STK39: variants seen among roughly 807,000 people sequenced by gnomAD.
STK39 encodes the protein serine/threonine kinase 39.
A neutral mutation model predicts 77.8 loss-of-function variants in STK39; 20 were observed. The ratio of observed to expected loss-of-function variants is 0.26; its 90% CI spans 0.18 to 0.37. The LOEUF is 0.37. STK39 is among the 10% of genes least tolerant of loss of function. The probability of loss-of-function intolerance (pLI) is 1.00; values close to 1 mark genes in which losing one functional copy is unlikely to be tolerated. For missense variants in STK39, 479 were observed against 656.5 expected (o/e 0.73, Z 2.95); for synonymous variants, 246 against 234.1 (o/e 1.05, Z -0.47).
chr2:168,246,356 C>A (rs965998145), intron 1 of STK39, among the ~76,000 whole-genome samples: 1 of 152,214 alleles, frequency 6.6e-6, no homozygotes, highest in Non-Finnish European at 1.5e-5. Flanking sequence ...CCGAGCCCTG[C>A]GACTCTGCCA....
chr2:168,017,998 T>C (rs569334636), intron 14 of STK39, among the ~76,000 whole-genome samples: 1 of 152,196 alleles, frequency 6.6e-6, no homozygotes, highest in Non-Finnish European at 1.5e-5. Context: ...AATATACATG[T>C]ATATGCAATT....
At chr2:168,098,139 T>A (rs1442021561) in intron 10 of STK39, among the ~76,000 whole-genome samples, 1 of 152,274 alleles carries the variant, frequency 6.6e-6, no homozygotes, top group African/African-American at 2.4e-5. Flanking sequence ...CAATCTGGAA[T>A]AGCGCCTAGC....
intron 16 of STK39, among the ~76,000 whole-genome samples, chr2:167,999,054 G>A (rs1023677757): frequency 6.6e-6 from 1 of 152,156 alleles, no homozygotes; most frequent in Non-Finnish European, 1.5e-5. Context: ...TATGGCTAAT[G>A]GCTCTTTACA....
At chr2:168,111,987 A>C (rs1198116287) in intron 10 of STK39, among the ~76,000 whole-genome samples, 2 of 152,184 alleles carry the variant, frequency 1.3e-5, no homozygotes, top group East Asian at 3.8e-4. Context: ...ACAACTACTC[A>C]GCAACTATTT....
At chr2:168,086,332 T>A (rs1032805637) in intron 10 of STK39, among the ~76,000 whole-genome samples, 5 of 152,228 alleles carry the variant, frequency 3.3e-5, no homozygotes, top group Admixed American at 3.3e-4. Flanking sequence ...ACTTACAAAG[T>A]ATCTCCATCT....
At chr2:168,048,512 C>CGGCCCGGCCT (rs1454578585) in intron 14 of STK39, among the ~76,000 whole-genome samples, 5 of 151,946 alleles carry the variant, frequency 3.3e-5, no homozygotes, top group Admixed American at 3.3e-4. Context: ...GCGCCCGGCC[C>CGGCCCGGCCT]GGCCCGGCCT....
rs759565191 is a variant in STK39 at position 168,205,609 on chromosome 2, G to T, written c.209-23519C>A. Among the ~76,000 whole-genome samples, 65 of 152,184 alleles carry T rather than the reference G, an allele frequency of 4.3e-4. 1 individual carries two copies. The highest frequency in any genetic ancestry group is 7.1e-4 in the Non-Finnish European group (48 of 68,010). On this transcript the variant is annotated intron_variant, in intron 1 of 17. Transcript: ENST00000355999. ...AGGGACGGGGATTGCTTGAGGCCAG[G>T]AGTTCAAGACCAGCCTGGTCAGTAT...
At chr2:168,172,916 A>G (rs1688863980) in intron 2 of STK39, among the ~76,000 whole-genome samples, 1 of 152,202 alleles carries the variant, frequency 6.6e-6, no homozygotes, top group South Asian at 2.1e-4. Context: ...CTGCATATTG[A>G]AATCACCTGG....
intron 16 of STK39, among the ~76,000 whole-genome samples, chr2:168,001,072 A>G (rs1683987604): frequency 6.6e-6 from 1 of 152,190 alleles, no homozygotes. Flanking sequence ...TTTCCTGACT[A>G]TGAATTCCTG....
At chr2:168,003,879 AT>A (rs1684060462) in intron 16 of STK39, among the ~76,000 whole-genome samples, 6 of 152,256 alleles carry the variant, frequency 3.9e-5, no homozygotes, top group Admixed American at 3.9e-4. Context: ...CTGAAAGTCA[AT>A]ATCAGTGAAT....
intron 1 of STK39, among the ~76,000 whole-genome samples, chr2:168,204,874 C>T (rs1314819326): frequency 6.6e-6 from 1 of 152,164 alleles, no homozygotes; most frequent in Non-Finnish European, 1.5e-5. Context: ...AAATACTCTC[C>T]GCAAGTTCCC....
chr2:168,039,599 CAAAAAAAAAAAAAA>C (rs1173242043), intron 14 of STK39, among the ~76,000 whole-genome samples: 1 of 7,956 alleles, frequency 1.3e-4, no homozygotes, highest in Non-Finnish European at 3.1e-4. Context: ...ACTCCGTCTC[CAAAAAAAAAAAAAA>C]AAAAAAAAAG....
intron 10 of STK39, among the ~76,000 whole-genome samples, chr2:168,111,466 A>C (rs1477574907): frequency 1.3e-5 from 2 of 152,156 alleles, no homozygotes; most frequent in African/African-American, 2.4e-5. Flanking sequence ...TGAGGATATC[A>C]AGTTATTCCT....
At chr2:168,063,871 C>T (rs1685726851) in intron 13 of STK39, among the ~76,000 whole-genome samples, 1 of 152,158 alleles carries the variant, frequency 6.6e-6, no homozygotes, top group Admixed American at 6.5e-5. Context: ...CACCTCACAA[C>T]CCACACATAG....
chr2:168,130,412 A>G (rs553574524), intron 8 of STK39, among the ~76,000 whole-genome samples: 3 of 152,322 alleles, frequency 2.0e-5, no homozygotes, highest in African/African-American at 7.2e-5. Flanking sequence ...GAAGGCTTCA[A>G]AGAGATTTAA....
At chr2:168,114,297 A>C (rs1259517900) in intron 10 of STK39, among the ~76,000 whole-genome samples, 1 of 152,234 alleles carries the variant, frequency 6.6e-6, no homozygotes. Context: ...AATTTCCTTA[A>C]GAAAATAAAA....
chr2:168,146,355 C>T (rs57440561), intron 5 of STK39, among the ~76,000 whole-genome samples: 1 of 152,328 alleles, frequency 6.6e-6, no homozygotes, highest in East Asian at 1.9e-4. Flanking sequence ...CTGCTATTCT[C>T]TTTGAAAAGG....
intron 14 of STK39, among the ~76,000 whole-genome samples, chr2:168,019,623 A>C (rs1202071927): frequency 2.0e-5 from 3 of 152,194 alleles, no homozygotes; most frequent in African/African-American, 7.2e-5. Flanking sequence ...GGAGTGTACC[A>C]TTCACAACAG....
At position 168,129,706 on chromosome 2, in the gene STK39, T is replaced by TTA; in HGVS notation, c.1023+2_1023+3dup. 6.2e-7 allele frequency: 1 copy of TTA among 1,614,068 alleles called. No homozygotes were observed. The highest frequency in any genetic ancestry group is 8.5e-7 in the Non-Finnish European group (1 of 1,179,944). ...AGATTTACTTGGGTTTTTAAGCATGTTACCTTGGCTTTCTGGAAGAATTTG... is the reference window on the plus strand; with the variant it reads ...AGATTTACTTGGGTTTTTAAGCATGTTATACCTTGGCTTTCTGGAAGAATTTG... On this transcript the variant is annotated splice_donor_region_variant and intron_variant, in intron 9 of 17. Transcript: ENST00000355999.
Sources: gnomAD v4.1 joint callset for allele counts (sites outside exome capture counted in the v4.1 genomes callset) on GRCh38, gnomAD v4.1.1 for gene constraint, MANE v1.5 for transcripts, NCBI Gene and HGNC (gene_info 2026-07-23, HGNC 2026-07-21) for gene names.